Variants in LPXN observed in about 807,000 individuals in gnomAD.
LPXN encodes leupaxin.
LPXN carries 28 observed loss-of-function variants against 45.6 expected under a neutral mutation model. The observed-to-expected ratio is 0.61, with a 90% CI of 0.45 to 0.84. LPXN has a LOEUF of 0.84. Ranked by LOEUF, LPXN falls within the 40% of genes least tolerant of loss-of-function variation. The pLI is 0.00. For missense variants in LPXN, 459 were observed against 475.0 expected, an observed-to-expected ratio of 0.97 and a Z score of 0.31; for synonymous variants, 166 against 169.9, an observed-to-expected ratio of 0.98 and a Z score of 0.18.
In LPXN at chr11:58,527,437, C is replaced by T; in HGVS notation, c.*17G>A. ...AAATTTTATAAGGAATCTGAAGAGG[C>T]TATGGATCAGTTGGCATTACAGTGG... On this transcript the variant is annotated 3_prime_UTR_variant, in exon 9 of 9. Transcript: ENST00000395074. The T allele has an allele frequency of 6.2e-7, 1 of 1,613,588 alleles. No homozygotes were observed. Among genetic ancestry groups the T allele is most frequent in the Non-Finnish European group, 8.5e-7 (1 of 1,179,560 alleles).
chr11:58,570,766 GTC>G, intron 1 of LPXN, 53 bp from the exon 2 acceptor site: 1 of 1,391,040 alleles, frequency 7.2e-7, no homozygotes, highest in Non-Finnish European at 9.8e-7. Flanking sequence ...AATCCCTACA[GTC>G]ATTTTCTCCT....
intron 7 of LPXN, among the ~76,000 whole-genome samples, chr11:58,549,495 T>C (rs1291358319): frequency 6.6e-6 from 1 of 152,224 alleles, no homozygotes; most frequent in East Asian, 1.9e-4. Context: ...GATTTGGAGA[T>C]GAGAAAGGGA....
intron 2 of LPXN, among the ~76,000 whole-genome samples, chr11:58,565,621 C>A (rs924426654): frequency 2.0e-5 from 3 of 151,724 alleles, no homozygotes; most frequent in African/African-American, 7.3e-5. Flanking sequence ...AATTTATTTT[C>A]AAAATAAAAA....
chr11:58,551,283 T>C (rs371282995), intron 4 of LPXN, 51 bp from the exon 5 acceptor site: 68 of 1,491,068 alleles, frequency 4.6e-5, no homozygotes, highest in Non-Finnish European at 5.8e-5. Context: ...TTTATTCTCA[T>C]TGGCATCTTC....
rs182672029 is a variant in LPXN, at chr11:58,564,484, C to A, written c.172-283G>T. Among the ~76,000 whole-genome samples the A allele has an allele frequency of 2.6e-5, 4 of 152,248 alleles. No individual in the cohort carries two copies. The East Asian group carries it at 7.7e-4, about 29-fold the overall frequency. On this transcript the variant is annotated intron_variant, in intron 2 of 8. Coordinates refer to ENST00000395074, the MANE Select transcript of LPXN (RefSeq NM_004811.3). Reference sequence around the variant, plus strand: ...GAAGTTGATCCTCCTTAGATAAGAACCATAAATCAAATAAAATGGGTCAGA... The same window carrying A: ...GAAGTTGATCCTCCTTAGATAAGAAACATAAATCAAATAAAATGGGTCAGA...
chr11:58,571,292 C>T (rs556244549), intron 1 of LPXN, among the ~76,000 whole-genome samples: 19 of 151,986 alleles, frequency 1.3e-4, no homozygotes, highest in Middle Eastern at 3.4e-3. Flanking sequence ...GTCGAGATCA[C>T]GCCACCACAC....
intron 7 of LPXN, among the ~76,000 whole-genome samples, chr11:58,531,181 C>A (rs772733524): frequency 6.6e-6 from 1 of 152,018 alleles, no homozygotes; most frequent in African/African-American, 2.4e-5. Context: ...ACCAAGGGAA[C>A]AAAACTGGAT....
At chr11:58,562,208 T>C (rs571485547) in intron 3 of LPXN, among the ~76,000 whole-genome samples, 8 of 152,382 alleles carry the variant, frequency 5.2e-5, no homozygotes, top group Non-Finnish European at 8.8e-5. Context: ...CATGTTGCTA[T>C]TGATATATAA....
intron 7 of LPXN, among the ~76,000 whole-genome samples, chr11:58,538,037 C>T (rs1853606599): frequency 6.6e-6 from 1 of 150,588 alleles, no homozygotes. Flanking sequence ...GTTTTTTGTC[C>T]TTGCGATAGT....
chr11:58,548,236 C>T (rs1247496053), intron 7 of LPXN, among the ~76,000 whole-genome samples: 1 of 151,896 alleles, frequency 6.6e-6, no homozygotes, highest in Non-Finnish European at 1.5e-5. Flanking sequence ...GGGGATGTTC[C>T]CCACCAAAAT....
chr11:58,577,651 A>G (rs886752365), upstream of LPXN, among the ~76,000 whole-genome samples: 10 of 152,182 alleles, frequency 6.6e-5, no homozygotes, highest in Non-Finnish European at 1.2e-4. Context: ...TTAATGTCAT[A>G]CGCTAGCGTG....
At chr11:58,553,504 A>G (rs998376496) in intron 4 of LPXN, among the ~76,000 whole-genome samples, 1 of 152,146 alleles carries the variant, frequency 6.6e-6, no homozygotes, top group Non-Finnish European at 1.5e-5. Context: ...TATTGTAGAC[A>G]CTGGCCCATC....
At chr11:58,557,016 T>C (rs1241258129) in intron 3 of LPXN, among the ~76,000 whole-genome samples, 1 of 152,128 alleles carries the variant, frequency 6.6e-6, no homozygotes, top group Non-Finnish European at 1.5e-5. Flanking sequence ...CACAAACAGA[T>C]GGCTATTCTC....
upstream of LPXN, among the ~76,000 whole-genome samples, chr11:58,577,819 C>G (rs2134376039): frequency 6.6e-6 from 1 of 152,166 alleles, no homozygotes; most frequent in East Asian, 1.9e-4. Flanking sequence ...GGCACCGCAT[C>G]CAAGTTAAGC....
chr11:58,549,385 AAC>A (rs1853971862), intron 7 of LPXN, among the ~76,000 whole-genome samples: 1 of 152,308 alleles, frequency 6.6e-6, no homozygotes, highest in Non-Finnish European at 1.5e-5. Context: ...CAGCCTGGGC[AAC>A]ACAGTGAGAC....
chr11:58,562,839 G>A (rs979221095), intron 3 of LPXN, among the ~76,000 whole-genome samples: 2 of 152,118 alleles, frequency 1.3e-5, no homozygotes, highest in South Asian at 4.1e-4. Context: ...GGATTTCACT[G>A]CTTTTTACCC....
At chr11:58,528,633 T>C (rs909425127) in intron 7 of LPXN, among the ~76,000 whole-genome samples, 3 of 152,214 alleles carry the variant, frequency 2.0e-5, no homozygotes, top group Non-Finnish European at 2.9e-5. Context: ...TGTCTCCCCT[T>C]ACAGGAACAT....
intron 4 of LPXN, 85 bp from the exon 5 acceptor site, chr11:58,551,317 T>G: frequency 8.8e-7 from 1 of 1,139,420 alleles, no homozygotes; most frequent in African/African-American, 1.6e-5. Flanking sequence ...AATTCACCTC[T>G]ACTGACTGAT....
upstream of LPXN, among the ~76,000 whole-genome samples, chr11:58,576,971 T>C (rs1370781498): frequency 2.0e-5 from 3 of 152,130 alleles, no homozygotes; most frequent in Non-Finnish European, 1.5e-5. Context: ...TTTTATTTTT[T>C]ATGTAGAGGG....
Sources: gnomAD v4.1 joint callset for allele counts (sites outside exome capture counted in the v4.1 genomes callset) on GRCh38, gnomAD v4.1.1 for gene constraint, MANE v1.5 for transcripts, NCBI Gene and HGNC (gene_info 2026-07-23, HGNC 2026-07-21) for gene names.